The following ESRP1 variants were observed in gnomAD, a reference collection of about 807,000 sequenced individuals.
The protein encoded by ESRP1 is epithelial splicing regulatory protein 1, also known as RNA-binding motif protein 35A.
ESRP1 carries 33 observed loss-of-function variants against 81.7 expected under a neutral mutation model. The observed-to-expected ratio is 0.40, with a 90% CI of 0.31 to 0.54. The LOEUF (loss-of-function observed/expected upper bound fraction) is 0.54, where lower values mean the gene tolerates loss of function less well. ESRP1 is among the 20% of genes least tolerant of loss of function. The pLI is 0.41. For missense variants in ESRP1, 672 were observed against 833.1 expected, an observed-to-expected ratio of 0.81 and a Z score of 2.38; for synonymous variants, 320 against 303.3, an observed-to-expected ratio of 1.06 and a Z score of -0.57.
intron 2 of ESRP1, among the ~76,000 whole-genome samples, chr8:94,642,695 C>T (rs1008153799): frequency 6.6e-6 from 1 of 152,088 alleles, no homozygotes; most frequent in South Asian, 2.1e-4. Flanking sequence ...ATGGAATCCC[C>T]TTATTAGGAC....
chr8:94,657,430 A>G (rs1783038961), intron 4 of ESRP1, among the ~76,000 whole-genome samples: 1 of 151,814 alleles, frequency 6.6e-6, no homozygotes, highest in Non-Finnish European at 1.5e-5. Context: ...CAGTGATGCT[A>G]AGGATCATAG....
intron 12 of ESRP1, 86 bp downstream of exon 12, chr8:94,674,592 T>A: frequency 7.8e-7 from 1 of 1,279,506 alleles, no homozygotes; most frequent in Non-Finnish European, 1.1e-6. Context: ...GTGCCCCTGG[T>A]TCTTTCTGAG....
intron 15 of ESRP1, among the ~76,000 whole-genome samples, chr8:94,704,043 T>A (rs1384278184): frequency 6.6e-6 from 1 of 152,226 alleles, no homozygotes; most frequent in Non-Finnish European, 1.5e-5. Context: ...GAAACCACAT[T>A]TAAAAGATGC....
intron 1 of ESRP1, chr8:94,641,715 C>T: frequency 1.3e-6 from 1 of 750,528 alleles, no homozygotes; most frequent in Non-Finnish European, 2.0e-6. Context: ...GGACGCTCCG[C>T]CGAGACGAGG....
In ESRP1 at chr8:94,674,572, G is replaced by A. The variant is rs145735375; in HGVS notation, c.1651+66G>A. On this transcript the variant is annotated intron_variant, in intron 12 of 15. Coordinates refer to ENST00000433389, the MANE Select transcript of ESRP1 (RefSeq NM_017697.4). ...GCTGGTAGGTGCTTAAGCTGCTTTCGTAACTTTCTGTGCCCCTGGTTCTTT... is the reference window on the plus strand; with the variant it reads ...GCTGGTAGGTGCTTAAGCTGCTTTCATAACTTTCTGTGCCCCTGGTTCTTT... 2,436 of 1,425,758 alleles carry A rather than the reference G, an allele frequency of 1.7e-3. 68 individuals are homozygous for A. In the Admixed American group the frequency reaches 0.042, roughly 25 times the overall value. The allele number at this position is 1,425,758 out of a possible 1,614,324, so 88.3% of individuals were successfully genotyped here. A position where few individuals can be genotyped will look rare whatever the true frequency, so the allele number is the denominator to read the frequency against.
At chr8:94,679,666 T>TGAC (rs1808791091) in intron 13 of ESRP1, among the ~76,000 whole-genome samples, 1 of 152,170 alleles carries the variant, frequency 6.6e-6, no homozygotes, top group Non-Finnish European at 1.5e-5. Flanking sequence ...TTTTTTTTTT[T>TGAC]CTACCAGTAG....
chr8:94,678,467 T>C, intron 13 of ESRP1, 96 bp downstream of exon 13: 1 of 1,435,588 alleles, frequency 7.0e-7, no homozygotes, highest in Non-Finnish European at 9.4e-7. Flanking sequence ...TCTGCCATGT[T>C]GAAGGTTAGC....
At chr8:94,674,190 T>G in intron 11 of ESRP1, 118 bp from the exon 12 acceptor site, 1 of 1,142,214 alleles carries the variant, frequency 8.8e-7, no homozygotes, top group Non-Finnish European at 1.3e-6. Context: ...TCACCCGGAT[T>G]TTGTGGCTAA....
intron 11 of ESRP1, among the ~76,000 whole-genome samples, chr8:94,672,503 A>G (rs929450309): frequency 2.6e-5 from 4 of 151,986 alleles, no homozygotes; most frequent in Admixed American, 1.3e-4. Flanking sequence ...CTACAAACCC[A>G]TAAGCCAGGT....
rs778878601 is a variant in ESRP1, at chr8:94,643,310, A to T, written c.269A>T (p.Gln90Leu). The change falls in exon 3 of 16, where the codon CAG becomes CTG. Residue 90 changes from glutamine (Q) to leucine (L), a missense_variant. Transcript: ENST00000433389. Reference protein sequence around the residue: ...QLDQALRQFNQSVSNELNIGV... With the variant: ...QLDQALRQFNLSVSNELNIGV... ...TGTATCTTGTTCTTGCAGTTTAACC[A>T]GTCAGTGAGCAATGAACTGAATATT... 1.9e-6 allele frequency: 3 copies of T among 1,606,776 alleles called. No individual in the cohort carries two copies. Among genetic ancestry groups the T allele is most frequent in the Non-Finnish European group, 2.6e-6 (3 of 1,173,336 alleles).
At chr8:94,694,822 A>G (rs1809534195) in intron 14 of ESRP1, among the ~76,000 whole-genome samples, 1 of 152,210 alleles carries the variant, frequency 6.6e-6, no homozygotes, top group African/African-American at 2.4e-5. Context: ...ATTGTGCAAT[A>G]TTATTTCATC....
chr8:94,662,457 C>A, intron 5 of ESRP1, 44 bp from the exon 6 acceptor site: 2 of 1,568,128 alleles, frequency 1.3e-6, no homozygotes, highest in Non-Finnish European at 1.7e-6. Context: ...ACAACTTTGT[C>A]TCCCTAATCA....
chr8:94,696,926 A>G lies in ESRP1; in HGVS notation c.2046A>G (p.Ter682=), dbSNP rs1416196267. Residue 682 remains the stop codon, a stop_retained_variant, in exon 15 of 16, where the codon TAA becomes TAG. Transcript: ENST00000433389. ...TACCCAAAGAATGGGTTTGTATTTAAGGGCCCCAGCAGTTAGAACATCCTC... is the reference window on the plus strand; with the variant it reads ...TACCCAAAGAATGGGTTTGTATTTAGGGGCCCCAGCAGTTAGAACATCCTC... ...RTLPKEWVCI[*] is the part of the protein sequence containing the mutation. 6.3e-7 allele frequency: 1 copy of G among 1,583,418 alleles called. No homozygotes were observed. The highest frequency in any genetic ancestry group is 1.3e-5 in the African/African-American group (1 of 74,522).
Position 94,706,010 on chromosome 8 carries a change from C to T in ESRP1, c.*121C>T. 1 of 1,448,790 alleles carries T rather than the reference C, an allele frequency of 6.9e-7. No homozygotes were observed. Among genetic ancestry groups the T allele is most frequent in the Non-Finnish European group, 9.3e-7 (1 of 1,077,994 alleles). 89.7% of individuals were successfully genotyped at this position (1,448,790 alleles called of 1,614,324 possible). On this transcript the variant is annotated 3_prime_UTR_variant, in exon 16 of 16. Transcript: ENST00000433389. ...CAGGGGAAGTTTGTCTACACTCAGG[C>T]TGCAGTATTTTCAGCAAACTTGATT...
rs759614908 is a variant in ESRP1, at chr8:94,692,777, G to A, written c.1921G>A (p.Ala641Thr). ...PGTVVRMQGL[A>T]YNTGVKEILN... ...CACGGTGGTCAGAATGCAGGGCCTG[G>A]CCTACAATACTGGAGTTAAGGAAAT... The change falls in exon 14 of 16, where the codon GCC (alanine) becomes ACC (threonine). Residue 641 changes from alanine to threonine, a missense_variant. Ala to Thr is a moderately conservative substitution (Grantham distance 58). Coordinates refer to ENST00000433389, the MANE Select transcript of ESRP1 (RefSeq NM_017697.4). 25 of 1,613,628 alleles carry A rather than the reference G, an allele frequency of 1.5e-5. No individual in the cohort carries two copies. The highest frequency in any genetic ancestry group is 1.9e-5 in the Non-Finnish European group (22 of 1,179,806).
rs769966537 is a variant in ESRP1 at position 94,662,305 on chromosome 8, G to T, written c.524G>T (p.Arg175Leu). Residue 175 changes from arginine to leucine, a missense_variant, in exon 5 of 16, where the codon CGA (arginine) becomes CTA (leucine). Transcript: ENST00000433389. ...LNFEKSSSVS[R>L]YGASQVEDMG... ...TTTGAGAAGAGTAGTTCAGTCTCTC[G>T]ATATGGAGCCTCTCAAGTTGAAGAT... is the stretch of plus-strand genomic sequence containing the variant. The T allele has an allele frequency of 6.3e-7, 1 of 1,582,598 alleles. No individual in the cohort carries two copies. Among genetic ancestry groups the T allele is most frequent in the Non-Finnish European group, 8.6e-7 (1 of 1,163,014 alleles).
At chr8:94,693,026 CT>C (rs3214520) in intron 14 of ESRP1, among the ~76,000 whole-genome samples, 199 bp downstream of exon 14, 61,140 of 151,962 alleles carry the variant, frequency 0.4, 12,438 homozygotes, top group East Asian at 0.56. Context: ...GAAATTAAGG[CT>C]TTTTCCATGC....
intron 13 of ESRP1, 106 bp downstream of exon 13, chr8:94,678,477 C>T (rs1808731642): frequency 6.1e-6 from 8 of 1,307,474 alleles, no homozygotes; most frequent in East Asian, 2.4e-5. Context: ...TGAAGGTTAG[C>T]GTGGCAGGCC....
intron 10 of ESRP1, among the ~76,000 whole-genome samples, chr8:94,670,459 TACTC>T (rs901085979): frequency 2.0e-5 from 3 of 152,226 alleles, no homozygotes; most frequent in African/African-American, 7.2e-5. Flanking sequence ...TGTCCCCTCT[TACTC>T]AGATAGCAAC....
Sources: allele counts gnomAD v4.1 joint callset (sites outside exome capture counted in the v4.1 genomes callset), GRCh38; gene constraint gnomAD v4.1.1; transcripts MANE v1.5; gene names NCBI Gene and HGNC (gene_info 2026-07-23, HGNC 2026-07-21).